GNPDA1: variants seen among roughly 807,000 people sequenced by gnomAD.
GNPDA1 encodes the protein glucosamine-6-phosphate deaminase 1, also known as GNPDA 1.
In GNPDA1, 24 loss-of-function variants were observed where a neutral mutation model predicts 28.5. That is an observed-to-expected ratio of 0.84 (90% CI 0.61 to 1.19). GNPDA1 has a LOEUF of 1.19. Among genes scored for constraint, GNPDA1 ranks in the 50% most tolerant of loss-of-function variants. The pLI is 0.00. For missense variants in GNPDA1, 264 were observed against 367.3 expected, an observed-to-expected ratio of 0.72 and a Z score of 2.30; for synonymous variants, 147 against 139.3, an observed-to-expected ratio of 1.06 and a Z score of -0.39.
chr5:142,011,903 A>G lies in GNPDA1; in HGVS notation c.124+9T>C. ...TTATCCACGGCACCCTCTCCATCCAAGAACGCACCAGTGGGGAGCCCCAGG... is the reference window on the plus strand; with the variant it reads ...TTATCCACGGCACCCTCTCCATCCAGGAACGCACCAGTGGGGAGCCCCAGG... On this transcript the variant is annotated intron_variant, in intron 2 of 6. Coordinates refer to ENST00000311337, the MANE Select transcript of GNPDA1 (RefSeq NM_005471.5). 2 of 1,613,920 alleles carry G rather than the reference A, an allele frequency of 1.2e-6. No homozygotes were observed. The highest frequency in any genetic ancestry group is 1.6e-4 in the Middle Eastern group (1 of 6,062).
At chr5:142,010,816 G>A (rs1275905353) in intron 2 of GNPDA1, among the ~76,000 whole-genome samples, 2 of 151,006 alleles carry the variant, frequency 1.3e-5, no homozygotes, top group African/African-American at 4.9e-5. Flanking sequence ...GCCTGGCCTG[G>A]TTTTTACATT....
Position 142,003,327 on chromosome 5 carries a change from G to T in GNPDA1, c.595-65C>A. On this transcript the variant is annotated intron_variant, in intron 5 of 6. Transcript: ENST00000311337. The surrounding 1 kb of genome is among the most constrained non-coding windows in gnomAD (Gnocchi z 4.0). ...TCCAGACACCCTAAACAGTTGTAAGGATGATTGTTTTTCATATCACATTGT... is the reference window on the plus strand; with the variant it reads ...TCCAGACACCCTAAACAGTTGTAAGTATGATTGTTTTTCATATCACATTGT... The T allele has an allele frequency of 9.0e-7, 1 of 1,109,080 alleles. No homozygotes were observed. The highest frequency in any genetic ancestry group is 1.3e-6 in the Non-Finnish European group (1 of 754,868). 68.7% of individuals were successfully genotyped at this position (1,109,080 alleles called of 1,614,324 possible). A position where few individuals can be genotyped will look rare whatever the true frequency, so the allele number is the denominator to read the frequency against.
At chr5:142,005,582 C>T (rs1041794002) in intron 4 of GNPDA1, 1 of 162,668 alleles carries the variant, frequency 6.1e-6, no homozygotes, top group Admixed American at 5.8e-5. Context: ...AGGTCCTGCC[C>T]CCCTCCTCCC....
chr5:142,004,730 C>T (rs868171476), intron 5 of GNPDA1: 2 of 442,662 alleles, frequency 4.5e-6, no homozygotes, highest in Non-Finnish European at 8.1e-6. Context: ...AAAACGTGCT[C>T]AAGGGATTCA....
rs777540120 is a variant in GNPDA1, at chr5:142,012,019, A to G, written c.17T>C (p.Leu6Pro). 1.4e-5 allele frequency: 22 copies of G among 1,602,844 alleles called. No individual in the cohort carries two copies. The highest frequency in any genetic ancestry group is 1.8e-5 in the Non-Finnish European group (21 of 1,170,684). Residue 6 changes from leucine (L) to proline (P), a missense_variant, in exon 2 of 7, where the codon CTG (leucine) becomes CCG (proline). By Grantham distance (98) the Leu-to-Pro change is moderately conservative (BLOSUM62 -3). Transcript: ENST00000311337. MKLII[L>P]EHYSQASEWA... ...CTCGCTCGCCTGAGAATAGTGCTCC[A>G]GGATGATGAGCTTCATCTTGTCCTG...
At chr5:142,008,967 A>G (rs1456774269) in intron 2 of GNPDA1, among the ~76,000 whole-genome samples, 2 of 152,108 alleles carry the variant, frequency 1.3e-5, no homozygotes, top group Non-Finnish European at 2.9e-5. Flanking sequence ...TGTGTAGGAG[A>G]ATGTCCTTAT....
At chr5:142,008,727 G>GAA (rs745503894) in intron 2 of GNPDA1, among the ~76,000 whole-genome samples, 1 of 134,382 alleles carries the variant, frequency 7.4e-6, no homozygotes, top group East Asian at 2.1e-4. Context: ...ACTCTATCTT[G>GAA]AAAAAAAAAA....
chr5:142,007,723 T>G, intron 3 of GNPDA1, 76 bp downstream of exon 3: 1 of 863,374 alleles, frequency 1.2e-6, no homozygotes, highest in Admixed American at 1.9e-5. Context: ...CCGATTCCTC[T>G]CCAGGACTGG....
At chr5:142,004,791 G>A (rs181316986) in intron 5 of GNPDA1, 141 bp downstream of exon 5, 7 of 534,874 alleles carry the variant, frequency 1.3e-5, no homozygotes, top group Admixed American at 1.2e-4. Context: ...GGAACAGTGA[G>A]TAACAGGGTC....
chr5:142,012,756 C>A, intron 1 of GNPDA1: 1 of 929,690 alleles, frequency 1.1e-6, no homozygotes, highest in Non-Finnish European at 1.3e-6. Flanking sequence ...ACATTTTGTT[C>A]CCCCAGCACT....
At position 142,005,010 on chromosome 5, in the gene GNPDA1, C is replaced by T; in HGVS notation, c.516G>A (p.Arg172=). ...CCTTGGTGAGTTCTCCATCGAAGAA[C>T]CTAGCATTGGCCAGGATGGTATCCA... The part of the protein sequence containing the change: ...LAMDTILANA[R]FFDGELTKVP... The change falls in exon 5 of 7, where the codon AGG becomes AGA. Residue 172 remains arginine (R), a synonymous_variant. Coordinates refer to ENST00000311337, the MANE Select transcript of GNPDA1 (RefSeq NM_005471.5). The T allele has an allele frequency of 6.2e-7, 1 of 1,613,734 alleles. No individual in the cohort carries two copies. The highest frequency in any genetic ancestry group is 1.3e-5 in the African/African-American group (1 of 75,044).
At position 142,002,345 on chromosome 5, in the gene GNPDA1, T is replaced by A. The variant is rs932088497; in HGVS notation, c.770-216A>T. ...GGAACTTTTATAAATTCAATCACTATGGGAGTTGGCTATTTAAAGGTTAGT... is the reference window on the plus strand; with the variant it reads ...GGAACTTTTATAAATTCAATCACTAAGGGAGTTGGCTATTTAAAGGTTAGT... On this transcript the variant is annotated intron_variant, in intron 6 of 6. Coordinates refer to ENST00000311337, the MANE Select transcript of GNPDA1 (RefSeq NM_005471.5). Among the ~76,000 whole-genome samples, 18 of 152,172 alleles carry A rather than the reference T, an allele frequency of 1.2e-4. 1 individual carries two copies. The highest frequency in any genetic ancestry group is 1.2e-3 in the Admixed American group (18 of 15,270).
Position 142,003,266 on chromosome 5 carries a change from G to C in GNPDA1, c.595-4C>G. 6.2e-7 allele frequency: 1 copy of C among 1,603,694 alleles called. No individual in the cohort carries two copies. The highest frequency in any genetic ancestry group is 8.5e-7 in the Non-Finnish European group (1 of 1,172,938). ...CACCTGTGATAAGGATCATCACCTG[G>C]GGATCAGAAAACAAGTCTGTGATGG... On this transcript the variant is annotated splice_region_variant and splice_polypyrimidine_tract_variant and intron_variant, in intron 5 of 6. Coordinates refer to ENST00000311337, the MANE Select transcript of GNPDA1 (RefSeq NM_005471.5). This position sits in a 1 kb window ranked among gnomAD's most constrained non-coding sequence, Gnocchi z 4.0.
chr5:142,012,285 T>C (rs1450097246), intron 1 of GNPDA1: 1 of 360,256 alleles, frequency 2.8e-6, no homozygotes, highest in Admixed American at 3.8e-5. Context: ...CTCCTTCACT[T>C]ACCACCTGCA....
chr5:142,011,816 C>G (rs757421212), intron 2 of GNPDA1, 96 bp downstream of exon 2: 8 of 1,414,764 alleles, frequency 5.7e-6, no homozygotes, highest in East Asian at 2.3e-5. Flanking sequence ...CCAGAGCCCC[C>G]GTGAAGTCCC....
At chr5:142,004,758 T>G (rs1340455589) in intron 5 of GNPDA1, 174 bp downstream of exon 5, 1 of 476,132 alleles carries the variant, frequency 2.1e-6, no homozygotes, top group African/African-American at 1.9e-5. Flanking sequence ...CTGGGAATAA[T>G]GATGTCTTCC....
intron 2 of GNPDA1, among the ~76,000 whole-genome samples, chr5:142,010,251 T>C (rs1176736459): frequency 6.6e-6 from 1 of 152,190 alleles, no homozygotes; most frequent in Non-Finnish European, 1.5e-5. Flanking sequence ...CTCTATCTGC[T>C]GGGTTCAATT....
At chr5:142,008,377 G>C (rs1023581478) in intron 2 of GNPDA1, among the ~76,000 whole-genome samples, 1 of 152,220 alleles carries the variant, frequency 6.6e-6, no homozygotes, top group Non-Finnish European at 1.5e-5. Context: ...AGTGCTTCAG[G>C]GTTCAAGGAA....
intron 3 of GNPDA1, among the ~76,000 whole-genome samples, chr5:142,007,305 G>A (rs1755831939): frequency 6.6e-6 from 1 of 152,110 alleles, no homozygotes; most frequent in African/African-American, 2.4e-5. Flanking sequence ...CTGGGTGAGG[G>A]AGAGGTGATA....
Sources: gnomAD v4.1 joint callset for allele counts (sites outside exome capture counted in the v4.1 genomes callset) on GRCh38, gnomAD v4.1.1 for gene constraint, Gnocchi (gnomAD v3.1) non-coding constraint, MANE v1.5 for transcripts, NCBI Gene and HGNC (gene_info 2026-07-23, HGNC 2026-07-21) for gene names.